Variants in USP32 observed in about 807,000 individuals in gnomAD.
USP32 encodes ubiquitin specific peptidase 32.
Under a neutral mutation model 204.8 loss-of-function variants are expected in USP32, and 59 were observed. The observed-to-expected ratio is 0.29, with a 90% CI of 0.23 to 0.36. The LOEUF is 0.36. Ranked by LOEUF, USP32 falls within the 10% of genes least tolerant of loss-of-function variation. The pLI is 1.00. For synonymous variants in USP32, 517 were observed against 678.4 expected, an observed-to-expected ratio of 0.76 and a Z score of 3.70; for missense variants, 1,160 against 1,946.4, an observed-to-expected ratio of 0.60 and a Z score of 7.60.
intron 2 of USP32, among the ~76,000 whole-genome samples, chr17:60,310,536 T>C (rs1249092214): frequency 1.3e-5 from 2 of 151,500 alleles, no homozygotes; most frequent in Admixed American, 6.6e-5. Context: ...CTGTCTCTAC[T>C]AAAAATACAA....
intron 4 of USP32, among the ~76,000 whole-genome samples, chr17:60,293,422 G>A (rs948600444): frequency 1.4e-4 from 21 of 151,980 alleles, no homozygotes; most frequent in African/African-American, 4.3e-4. Flanking sequence ...TTATTATGGG[G>A]GAAAAAAACA....
Position 60,205,646 on chromosome 17 carries a change from G to A in USP32, c.3050C>T (p.Ser1017Leu), listed in dbSNP as rs140449325. ...GGTGAACATTTCATTTGTAGATGGC[G>A]AAGAGGAGAAATCTACAAATTCAAA... ...SSPTQTDFSSSPSTNEMFTLT... is the reference protein window; with the variant it reads ...SSPTQTDFSSLPSTNEMFTLT... The change falls in exon 26 of 34, where the codon TCG (serine) becomes TTG (leucine). Residue 1017 changes from serine (S) to leucine (L), a missense_variant. Coordinates refer to ENST00000300896, the MANE Select transcript of USP32 (RefSeq NM_032582.4). 1,010 of 1,613,948 alleles carry A rather than the reference G, an allele frequency of 6.3e-4. 1 individual carries two copies. The highest frequency in any genetic ancestry group is 6.7e-4 in the Non-Finnish European group (785 of 1,179,836).
At chr17:60,376,622 C>A (rs376490047) in intron 1 of USP32, among the ~76,000 whole-genome samples, 2 of 151,866 alleles carry the variant, frequency 1.3e-5, no homozygotes, top group African/African-American at 2.4e-5. Flanking sequence ...CTCCCGGATT[C>A]AAGCAATTCT....
At chr17:60,250,321 C>T (rs1238220316) in intron 11 of USP32, among the ~76,000 whole-genome samples, 1 of 151,924 alleles carries the variant, frequency 6.6e-6, no homozygotes, top group African/African-American at 2.4e-5. Context: ...TTATATCAAC[C>T]TTATTTTTTG....
At chr17:60,404,415 T>G (rs1211025538) in intron 1 of USP32, among the ~76,000 whole-genome samples, 1 of 152,170 alleles carries the variant, frequency 6.6e-6, no homozygotes, top group Non-Finnish European at 1.5e-5. Context: ...CTTTAAATAT[T>G]TTGATATTTT....
chr17:60,421,309 GT>G, intron 1 of USP32: 1 of 932,910 alleles, frequency 1.1e-6, no homozygotes, highest in Non-Finnish European at 1.3e-6. Flanking sequence ...TAGAGGACAA[GT>G]TAAAAAGTTT....
At chr17:60,278,248 T>C (rs962940068) in intron 5 of USP32, among the ~76,000 whole-genome samples, 3 of 152,080 alleles carry the variant, frequency 2.0e-5, no homozygotes, top group African/African-American at 7.2e-5. Context: ...TGGAAACATT[T>C]AGTAAAAACG....
In USP32 at chr17:60,177,480, A is replaced by T. The variant is rs2083995143; in HGVS notation, c.*1775T>A. ...TAAATTTTCTGCTAGTTCATGAATT[A>T]AAAAAATTAATTACAACCAGTATAA... On this transcript the variant is annotated 3_prime_UTR_variant, in exon 34 of 34. Coordinates refer to ENST00000300896, the MANE Select transcript of USP32 (RefSeq NM_032582.4). 6.6e-6 allele frequency among the ~76,000 whole-genome samples: 1 copy of T among 152,218 alleles called. No individual in the cohort carries two copies.
chr17:60,226,229 A>G lies in USP32; in HGVS notation c.1242T>C (p.Asp414=), dbSNP rs1239172473. The change falls in exon 13 of 34, where the codon GAT becomes GAC. Residue 414 remains aspartate (D), a splice_region_variant and synonymous_variant. Transcript: ENST00000300896. The part of the protein sequence containing the change: ...WQQWKEYVKY[D]ANPVVIEPSS... ...ATGGCTCAATTACCACAGGGTTGGC[A>G]TCCTAAAATCAGGAAATCAGAGAAT... is the stretch of plus-strand genomic sequence containing the variant. 1 of 1,532,752 alleles carries G rather than the reference A, an allele frequency of 6.5e-7. No individual in the cohort carries two copies. Among genetic ancestry groups the G allele is most frequent in the Non-Finnish European group, 8.7e-7 (1 of 1,147,196 alleles). 94.9% of individuals were successfully genotyped at this position (1,532,752 alleles called of 1,614,324 possible).
chr17:60,262,712 G>C (rs1195057622), intron 9 of USP32, among the ~76,000 whole-genome samples: 1 of 152,068 alleles, frequency 6.6e-6, no homozygotes, highest in Admixed American at 6.6e-5. Context: ...AGCCACATCA[G>C]AATATTTGCA....
chr17:60,205,246 A>G (rs1206630860), intron 26 of USP32, among the ~76,000 whole-genome samples: 1 of 152,278 alleles, frequency 6.6e-6, no homozygotes, highest in East Asian at 1.9e-4. Context: ...TATATAATAC[A>G]TTGAAAATGC....
intron 26 of USP32, among the ~76,000 whole-genome samples, chr17:60,200,123 G>A (rs1224983123): frequency 6.6e-6 from 1 of 152,030 alleles, no homozygotes; most frequent in African/African-American, 2.4e-5. Context: ...GAACGCAGGA[G>A]GCATAGAGTA....
intron 24 of USP32, 85 bp downstream of exon 24, chr17:60,207,974 T>A: frequency 2.1e-6 from 3 of 1,462,766 alleles, no homozygotes; most frequent in Non-Finnish European, 2.7e-6. Flanking sequence ...CTTGGTCACA[T>A]AACCTAACAA....
chr17:60,352,073 A>G (rs1283574583), intron 1 of USP32, among the ~76,000 whole-genome samples: 1 of 152,228 alleles, frequency 6.6e-6, no homozygotes, highest in African/African-American at 2.4e-5. Context: ...GAGTTGTCAG[A>G]AATGAGGTTA....
chr17:60,413,968 T>C (rs1457063035), intron 1 of USP32, among the ~76,000 whole-genome samples: 2 of 151,850 alleles, frequency 1.3e-5, no homozygotes, highest in Non-Finnish European at 2.9e-5. Context: ...AAAGAATGGT[T>C]GGTTTGGGAA....
At chr17:60,214,233 T>A (rs914739694) in intron 17 of USP32, among the ~76,000 whole-genome samples, 8 of 152,240 alleles carry the variant, frequency 5.3e-5, no homozygotes, top group Non-Finnish European at 1.2e-4. Flanking sequence ...TGAGCCACTG[T>A]GCTCGGCCAC....
At chr17:60,417,451 T>C (rs1233241665) in intron 1 of USP32, among the ~76,000 whole-genome samples, 1 of 151,556 alleles carries the variant, frequency 6.6e-6, no homozygotes, top group East Asian at 1.9e-4. Flanking sequence ...AGCTGATTTT[T>C]AATTTTTTTT....
At position 60,357,329 on chromosome 17, in the gene USP32, T is replaced by C. The variant is rs185301351; in HGVS notation, c.59-11721A>G. ...TTAGGCAGGCATGGTGATACACGCC[T>C]ATGGTTCCAGCTACACGGGAAGCCA... On this transcript the variant is annotated intron_variant, in intron 1 of 33. Coordinates refer to ENST00000300896, the MANE Select transcript of USP32 (RefSeq NM_032582.4). Among the ~76,000 whole-genome samples, 201 of 152,064 alleles carry C rather than the reference T, an allele frequency of 1.3e-3. 1 individual carries two copies. The highest frequency in any genetic ancestry group is 4.5e-3 in the African/African-American group (188 of 41,494).
At chr17:60,359,714 A>C (rs1318985498) in intron 1 of USP32, among the ~76,000 whole-genome samples, 1 of 152,138 alleles carries the variant, frequency 6.6e-6, no homozygotes, top group East Asian at 1.9e-4. Context: ...GGAGCTACTC[A>C]GGTGGGAGGA....
Sources: gnomAD v4.1 joint callset for allele counts (sites outside exome capture counted in the v4.1 genomes callset) on GRCh38, gnomAD v4.1.1 for gene constraint, MANE v1.5 for transcripts, NCBI Gene and HGNC (gene_info 2026-07-23, HGNC 2026-07-21) for gene names.